Variants in TRIM69 observed in about 807,000 individuals in gnomAD.
The protein encoded by TRIM69 is tripartite motif containing 69.
In TRIM69, 29 loss-of-function variants were observed where a neutral mutation model predicts 37.7. The ratio of observed to expected loss-of-function variants is 0.77; its 90% confidence interval spans 0.57 to 1.05. The LOEUF (loss-of-function observed/expected upper bound fraction) is 1.05, where lower values mean the gene tolerates loss of function less well. Ranked by LOEUF, TRIM69 falls within the 50% of genes least tolerant of loss-of-function variation. The pLI, the probability that TRIM69 is intolerant of heterozygous loss-of-function variation, is 0.00. For synonymous variants in TRIM69, 209 were observed against 212.4 expected (o/e 0.98, Z 0.14); for missense variants, 596 against 579.9 (o/e 1.03, Z -0.28).
At chr15:44,765,693 G>A (rs2087870177) in intron 6 of TRIM69, among the ~76,000 whole-genome samples, 2 of 152,054 alleles carry the variant, frequency 1.3e-5, no homozygotes, top group African/African-American at 4.8e-5. Flanking sequence ...GGCGGAGGTT[G>A]CAGTGAGCCG....
At chr15:44,746,357 C>G (rs2087406794) in intron 1 of TRIM69, among the ~76,000 whole-genome samples, 1 of 152,078 alleles carries the variant, frequency 6.6e-6, no homozygotes, top group South Asian at 2.1e-4. Context: ...GACAAAGGGA[C>G]TTCTTCAAGC....
intron 1 of TRIM69, chr15:44,754,618 A>T: frequency 2.7e-6 from 1 of 364,288 alleles, no homozygotes; most frequent in Non-Finnish European, 4.9e-6. Context: ...TTCAAAAGAC[A>T]CTTGGGGAAA....
chr15:44,745,389 A>C (rs1001815275), intron 1 of TRIM69, among the ~76,000 whole-genome samples: 1 of 152,204 alleles, frequency 6.6e-6, no homozygotes, highest in Non-Finnish European at 1.5e-5. Context: ...CTAACTAAAC[A>C]AAACAACTAC....
chr15:44,738,765 T>C (rs577536897), intron 1 of TRIM69, among the ~76,000 whole-genome samples: 92 of 152,324 alleles, frequency 6.0e-4, no homozygotes, highest in African/African-American at 2.2e-3. Context: ...CTTGAAGCAA[T>C]CTGAGCTTCA....
At chr15:44,761,653 T>C (rs893270328) in intron 6 of TRIM69, among the ~76,000 whole-genome samples, 1 of 152,142 alleles carries the variant, frequency 6.6e-6, no homozygotes, top group African/African-American at 2.4e-5. Context: ...TTAGTAGAGA[T>C]GAGGTTTTGC....
rs776636093 is a variant in TRIM69 at position 44,767,544 on chromosome 15, G to A, written c.1275G>A (p.Lys425=). Residue 425 remains lysine, a synonymous_variant, in exon 7 of 7, where the codon AAG becomes AAA. Transcript: ENST00000329464. The part of the protein sequence containing the change: ...LLRLRNQTDL[K]ALDLPSFSLT... ...GACTAAGGAACCAAACTGATCTAAA[G>A]GCTCTGGATTTGCCTTCTTTCAGTC... The A allele has an allele frequency of 1.2e-6, 2 of 1,614,162 alleles. No homozygotes were observed. Among genetic ancestry groups the A allele is most frequent in the East Asian group, 2.2e-5 (1 of 44,890 alleles).
At chr15:44,741,704 C>T (rs1156380433) in intron 1 of TRIM69, among the ~76,000 whole-genome samples, 2 of 152,226 alleles carry the variant, frequency 1.3e-5, no homozygotes, top group Non-Finnish European at 2.9e-5. Flanking sequence ...TGCAAATAAA[C>T]TAGAAAATCT....
chr15:44,738,318 G>A (rs2087209012), intron 1 of TRIM69, among the ~76,000 whole-genome samples: 1 of 150,554 alleles, frequency 6.6e-6, no homozygotes, highest in Non-Finnish European at 1.5e-5. Context: ...TGATCCTCCT[G>A]CCTCAGCCTC....
intron 3 of TRIM69, 125 bp downstream of exon 3, chr15:44,756,588 A>T: frequency 1.6e-6 from 1 of 633,208 alleles, no homozygotes; most frequent in Non-Finnish European, 2.7e-6. Context: ...AGGCTATGGA[A>T]TTGGAAAACT....
At chr15:44,756,302 G>A (rs1011031160) in intron 2 of TRIM69, 66 bp from the exon 3 acceptor site, 3 of 1,150,112 alleles carry the variant, frequency 2.6e-6, no homozygotes, top group African/African-American at 1.5e-5. Flanking sequence ...GGGCCTTGGG[G>A]AAGATGTCCT....
chr15:44,738,762 C>A (rs997660267), intron 1 of TRIM69, among the ~76,000 whole-genome samples: 2 of 152,170 alleles, frequency 1.3e-5, no homozygotes, highest in Non-Finnish European at 2.9e-5. Flanking sequence ...ATACTTGAAG[C>A]AATCTGAGCT....
chr15:44,740,118 CAG>C lies in TRIM69; in HGVS notation c.6+3409_6+3410del, dbSNP rs542597566. 2.6e-4 allele frequency among the ~76,000 whole-genome samples: 39 copies of C among 152,380 alleles called. 1 individual carries two copies. In the South Asian group the frequency reaches 8.1e-3, roughly 32 times the overall value. ...CCACCGCTGCTGATACCCAGGCAAA[CAG>C]GGTCTGGAGTGGACCTCTAGCAAAC... On this transcript the variant is annotated intron_variant, in intron 1 of 6. Coordinates refer to ENST00000329464, the MANE Select transcript of TRIM69 (RefSeq NM_182985.5).
In TRIM69 at chr15:44,767,590, G is replaced by A. The variant is rs930358746; in HGVS notation, c.1321G>A (p.Asp441Asn). The A allele has an allele frequency of 2.5e-6, 4 of 1,614,010 alleles. No individual in the cohort carries two copies. The highest frequency in any genetic ancestry group is 2.2e-5 in the East Asian group (1 of 44,888). The change falls in exon 7 of 7, where the codon GAC (aspartate) becomes AAC (asparagine). Residue 441 changes from aspartate (D) to asparagine (N), a missense_variant. Asp to Asn is a conservative substitution (Grantham distance 23). Transcript: ENST00000329464. ...SFSLTLTNNL[D>N]KVGIYLDYEG... ...CAGTCTGACACTGACTAACAACCTCGACAAGGTGGGCATATACCTGGATTA... is the reference window on the plus strand; with the variant it reads ...CAGTCTGACACTGACTAACAACCTCAACAAGGTGGGCATATACCTGGATTA...
At chr15:44,758,358 G>A in intron 3 of TRIM69, 1 of 549,884 alleles carries the variant, frequency 1.8e-6, no homozygotes, top group Non-Finnish European at 3.2e-6. Flanking sequence ...TATTTAATAT[G>A]GCATTGGTTA....
At chr15:44,766,707 T>A (rs2087894079) in intron 6 of TRIM69, among the ~76,000 whole-genome samples, 1 of 152,060 alleles carries the variant, frequency 6.6e-6, no homozygotes, top group African/African-American at 2.4e-5. Flanking sequence ...ACCCTGATTT[T>A]TACCCTAAAT....
intron 1 of TRIM69, among the ~76,000 whole-genome samples, chr15:44,742,777 A>T (rs1032330553): frequency 6.7e-5 from 10 of 149,370 alleles, no homozygotes; most frequent in African/African-American, 2.5e-4. Flanking sequence ...TGACCTCTTC[A>T]AGGAGAACTA....
Position 44,759,841 on chromosome 15 carries a change from A to G in TRIM69, c.930A>G (p.Val310=). Residue 310 remains valine, a synonymous_variant, in exon 6 of 7, where the codon GTA becomes GTG. Coordinates refer to ENST00000329464, the MANE Select transcript of TRIM69 (RefSeq NM_182985.5). The part of the protein sequence containing the change: ...GQYKGPIQYM[V]WREMQDTLCP... ...ACAAAGGTCCTATCCAGTACATGGT[A>G]TGGAGGGAAATGCAGGACACTCTCT... 1 of 1,613,990 alleles carries G rather than the reference A, an allele frequency of 6.2e-7. No individual in the cohort carries two copies. The highest frequency in any genetic ancestry group is 1.1e-5 in the South Asian group (1 of 91,068).
At chr15:44,764,383 G>C (rs2087844551) in intron 6 of TRIM69, among the ~76,000 whole-genome samples, 1 of 152,154 alleles carries the variant, frequency 6.6e-6, no homozygotes, top group African/African-American at 2.4e-5. Flanking sequence ...ACTGTGGTCA[G>C]ACCTTTGTAA....
intron 3 of TRIM69, 180 bp downstream of exon 3, chr15:44,756,643 A>G (rs3759883): frequency 0.052 from 26,463 of 513,248 alleles, 822 homozygotes; most frequent in South Asian, 0.084. Flanking sequence ...GTAGGTTCCT[A>G]ATAGCTGATC....
Sources: allele counts gnomAD v4.1 joint callset (sites outside exome capture counted in the v4.1 genomes callset), GRCh38; gene constraint gnomAD v4.1.1; transcripts MANE v1.5; gene names NCBI Gene and HGNC (gene_info 2026-07-23, HGNC 2026-07-21).